Variants in PTPRO observed in about 807,000 individuals in gnomAD.
PTPRO encodes receptor-type tyrosine-protein phosphatase O.
A neutral mutation model predicts 145.2 loss-of-function variants in PTPRO; 62 were observed. That is an observed-to-expected ratio of 0.43 (90% CI 0.35 to 0.53). PTPRO has a LOEUF of 0.53. Among genes scored for constraint, PTPRO ranks in the 20% least tolerant of loss-of-function variants. The pLI, the probability that PTPRO is intolerant of heterozygous loss-of-function variation, is 0.01. For missense variants in PTPRO, 1,345 were observed against 1,482.7 expected, an observed-to-expected ratio of 0.91 and a Z score of 1.53; for synonymous variants, 565 against 514.7, an observed-to-expected ratio of 1.10 and a Z score of -1.32.
chr12:15,555,567 G>A (rs1278937446), intron 15 of PTPRO, among the ~76,000 whole-genome samples: 1 of 152,188 alleles, frequency 6.6e-6, no homozygotes, highest in Admixed American at 6.5e-5. Context: ...CATAGGAAGT[G>A]TGCAGTAAAT....
At chr12:15,469,934 C>T (rs1034018866) in intron 1 of PTPRO, among the ~76,000 whole-genome samples, 2 of 152,016 alleles carry the variant, frequency 1.3e-5, no homozygotes, top group African/African-American at 2.4e-5. Flanking sequence ...TTCATTTGTC[C>T]CTACCCCCTA....
rs891480677 is a variant in PTPRO at position 15,416,559 on chromosome 12, TCTG to T, written c.76-67413_76-67411del. Reference sequence around the variant, plus strand: ...TGGTCTCGATCTCCTGACCTCATGATCTGCCTGCCTCGGCCTCCCAAAGTGCTG... The same window carrying T: ...TGGTCTCGATCTCCTGACCTCATGATCCTGCCTCGGCCTCCCAAAGTGCTG... On this transcript the variant is annotated intron_variant, in intron 1 of 26. Transcript: ENST00000281171. Among the ~76,000 whole-genome samples the T allele has an allele frequency of 1.5e-4, 23 of 151,630 alleles. 1 individual carries two copies. Among genetic ancestry groups the T allele is most frequent in the African/African-American group, 5.6e-4 (23 of 40,946 alleles).
intron 2 of PTPRO, among the ~76,000 whole-genome samples, chr12:15,490,144 G>A (rs528415848): frequency 6.6e-6 from 1 of 152,234 alleles, no homozygotes; most frequent in African/African-American, 2.4e-5. Flanking sequence ...TAGCAAAGCT[G>A]CAAGCCAAGA....
Position 15,546,694 on chromosome 12 carries a change from A to G in PTPRO, c.2290A>G (p.Lys764Glu), listed in dbSNP as rs1234700504. 6.2e-7 allele frequency: 1 copy of G among 1,614,064 alleles called. No individual in the cohort carries two copies. The highest frequency in any genetic ancestry group is 8.5e-7 in the Non-Finnish European group (1 of 1,179,952). The change falls in exon 13 of 27, where the codon AAA becomes GAA. Residue 764 changes from lysine to glutamate, a missense_variant. Coordinates refer to ENST00000281171, the MANE Select transcript of PTPRO (RefSeq NM_030667.3). ...CTGTCAACAAGTTGGCTCCAGTCAG[A>G]AAACCAAACTTCAGGTACTGTACCT... ...VFCQQVGSSQ[K>E]TKLQEPVAVS...
chr12:15,532,419 T>C (rs1263631732), intron 12 of PTPRO, among the ~76,000 whole-genome samples: 1 of 152,172 alleles, frequency 6.6e-6, no homozygotes, highest in African/African-American at 2.4e-5. Flanking sequence ...CATTTGAAAG[T>C]CATGTGGGAT....
intron 1 of PTPRO, among the ~76,000 whole-genome samples, chr12:15,458,525 T>A (rs1941231768): frequency 6.6e-6 from 1 of 151,856 alleles, no homozygotes; most frequent in African/African-American, 2.4e-5. Context: ...CTTTTATCAC[T>A]CTTTTTCATT....
Position 15,516,968 on chromosome 12 carries a change from T to A in PTPRO, c.1779+12T>A. The A allele has an allele frequency of 6.2e-7, 1 of 1,605,416 alleles. No homozygotes were observed. Among genetic ancestry groups the A allele is most frequent in the Non-Finnish European group, 8.5e-7 (1 of 1,172,002 alleles). ...TAACTGCATCCGTGGTAATCTTCCC[T>A]TAACCAACTGTCAGTCTTTCCTATG... On this transcript the variant is annotated intron_variant, in intron 9 of 26. Transcript: ENST00000281171.
chr12:15,526,479 T>C (rs988836693), intron 12 of PTPRO, among the ~76,000 whole-genome samples: 1 of 152,224 alleles, frequency 6.6e-6, no homozygotes, highest in African/African-American at 2.4e-5. Context: ...TGGTGTTCGC[T>C]GTTCTTTGTA....
chr12:15,495,252 T>A (rs1942076784), intron 2 of PTPRO, among the ~76,000 whole-genome samples: 1 of 151,644 alleles, frequency 6.6e-6, no homozygotes, highest in Admixed American at 6.6e-5. Context: ...AGATGCTGTT[T>A]TTCAGAAAAC....
rs941429628 is a variant in PTPRO, at chr12:15,580,952, A to G, written c.3132+121A>G. The G allele has an allele frequency of 7.7e-5, 105 of 1,357,026 alleles. No homozygotes were observed. In the Middle Eastern group the frequency reaches 1.2e-3, roughly 16 times the overall value. 84.1% of individuals were successfully genotyped at this position (1,357,026 alleles called of 1,614,324 possible). A position where few individuals can be genotyped will look rare whatever the true frequency, so the allele number is the denominator to read the frequency against. On this transcript the variant is annotated intron_variant, in intron 22 of 26. Transcript: ENST00000281171. ...CATAGAGACAAATCGCTAAATTTAA[A>G]ACATTGTATTCGGGAAGCAAGAATT...
intron 14 of PTPRO, 68 bp downstream of exon 14, chr12:15,549,294 T>C: frequency 2.5e-6 from 3 of 1,216,760 alleles, no homozygotes; most frequent in Non-Finnish European, 3.2e-6. Flanking sequence ...TGTATTTGTA[T>C]CAATATTCCA....
chr12:15,480,337 TGTGA>T (rs1941752176), intron 1 of PTPRO, among the ~76,000 whole-genome samples: 1 of 152,242 alleles, frequency 6.6e-6, no homozygotes, highest in African/African-American at 2.4e-5. Context: ...TCTTGAATAT[TGTGA>T]GTATTATGTT....
At chr12:15,459,482 G>A (rs1231357790) in intron 1 of PTPRO, among the ~76,000 whole-genome samples, 1 of 152,198 alleles carries the variant, frequency 6.6e-6, no homozygotes, top group Non-Finnish European at 1.5e-5. Flanking sequence ...CAAGCATATA[G>A]CAATACACTG....
chr12:15,326,264 T>G (rs1033935673), intron 1 of PTPRO, among the ~76,000 whole-genome samples: 1 of 152,216 alleles, frequency 6.6e-6, no homozygotes, highest in Non-Finnish European at 1.5e-5. Flanking sequence ...TGAAGTTTGC[T>G]GCCCTTAACT....
intron 14 of PTPRO, among the ~76,000 whole-genome samples, chr12:15,550,873 G>C (rs1033481856): frequency 2.6e-5 from 4 of 152,168 alleles, no homozygotes; most frequent in African/African-American, 9.7e-5. Flanking sequence ...GTATGAAGAA[G>C]TAGACAATGT....
chr12:15,338,329 A>T (rs1378460985), intron 1 of PTPRO, among the ~76,000 whole-genome samples: 1 of 152,154 alleles, frequency 6.6e-6, no homozygotes, highest in East Asian at 1.9e-4. Flanking sequence ...TTAACAGTGG[A>T]TAGATATAGT....
intron 1 of PTPRO, among the ~76,000 whole-genome samples, chr12:15,437,542 G>C (rs1341922425): frequency 6.6e-6 from 1 of 152,120 alleles, no homozygotes; most frequent in Non-Finnish European, 1.5e-5. Context: ...ATAGATCATG[G>C]TATAGTAAGA....
At chr12:15,445,893 A>G (rs1171256719) in intron 1 of PTPRO, among the ~76,000 whole-genome samples, 3 of 152,178 alleles carry the variant, frequency 2.0e-5, no homozygotes, top group Non-Finnish European at 4.4e-5. Context: ...GGGAGGACAG[A>G]AACAGTTCAA....
chr12:15,516,654 G>A, intron 8 of PTPRO, 109 bp from the exon 9 acceptor site: 1 of 933,366 alleles, frequency 1.1e-6, no homozygotes, highest in South Asian at 1.3e-5. Context: ...AGGGAGGTAG[G>A]TATTGTATCA....
Sources: gnomAD v4.1 joint callset for allele counts (sites outside exome capture counted in the v4.1 genomes callset) on GRCh38, gnomAD v4.1.1 for gene constraint, MANE v1.5 for transcripts, NCBI Gene and HGNC (gene_info 2026-07-23, HGNC 2026-07-21) for gene names.